CD109: variants seen among roughly 807,000 people sequenced by gnomAD.
CD109 encodes CD109 antigen.
Under a neutral mutation model 165.8 loss-of-function variants are expected in CD109, and 149 were observed. That is an observed-to-expected ratio of 0.90 (90% CI 0.79 to 1.03). CD109 has a LOEUF of 1.03. CD109 is among the 50% of genes least tolerant of loss of function. The probability of loss-of-function intolerance (pLI) is 0.00; values close to 1 mark genes in which losing one functional copy is unlikely to be tolerated. For synonymous variants in CD109, 585 were observed against 592.1 expected, an observed-to-expected ratio of 0.99 and a Z score of 0.18; for missense variants, 1,712 against 1,677.8, an observed-to-expected ratio of 1.02 and a Z score of -0.36.
intron 15 of CD109, among the ~76,000 whole-genome samples, chr6:73,777,279 ATT>A (rs111344958): frequency 1.3e-5 from 2 of 150,440 alleles, no homozygotes; most frequent in African/African-American, 2.4e-5. Context: ...GCTTAAAAAA[ATT>A]TTTTTTTTCT....
intron 2 of CD109, among the ~76,000 whole-genome samples, chr6:73,707,368 G>A (rs763543189): frequency 6.6e-6 from 1 of 152,118 alleles, no homozygotes; most frequent in Non-Finnish European, 1.5e-5. Context: ...GAGAACAGAC[G>A]AAAGAGTGGG....
chr6:73,724,832 G>A (rs1772076769), intron 3 of CD109, among the ~76,000 whole-genome samples: 1 of 151,884 alleles, frequency 6.6e-6, no homozygotes, highest in South Asian at 2.1e-4. Flanking sequence ...AAACTCCTGG[G>A]CCCAAGCATC....
intron 5 of CD109, among the ~76,000 whole-genome samples, chr6:73,746,021 T>A (rs772541829): frequency 1.7e-4 from 26 of 152,270 alleles, no homozygotes; most frequent in Non-Finnish European, 3.2e-4. Context: ...TAAGCCACTG[T>A]GCTCAGCCAA....
chr6:73,779,071 A>T (rs1014695772), intron 15 of CD109, among the ~76,000 whole-genome samples: 1 of 152,144 alleles, frequency 6.6e-6, no homozygotes, highest in African/African-American at 2.4e-5. Context: ...TTAAGCAATA[A>T]CTACTCATTT....
intron 4 of CD109, among the ~76,000 whole-genome samples, chr6:73,732,055 G>A (rs770604519): frequency 5.3e-5 from 8 of 152,250 alleles, no homozygotes; most frequent in African/African-American, 1.2e-4. Flanking sequence ...GTATTTAAAC[G>A]GAGAAGAACA....
chr6:73,768,161 AT>A lies in CD109; in HGVS notation c.1605del (p.Tyr535Ter), dbSNP rs1472554805. On this transcript the variant is annotated frameshift_variant, in exon 14 of 33. Transcript: ENST00000287097. LOFTEE classifies it high-confidence loss of function. ...CCAAAAGCCTGTGTAATTGTGTATT[AT>A]ATTGAAGATGATGGGGAAATTATAA... Reference protein sequence around the residue: ...WTPKACVIVYYIEDDGEIISD... With the variant: ...WTPKACVIVYXIEDDGEIISD... 3.1e-6 allele frequency: 5 copies of A among 1,601,604 alleles called. No individual in the cohort carries two copies. The East Asian group carries it at 1.1e-4, about 36-fold the overall frequency.
chr6:73,741,931 A>G (rs1501191), intron 5 of CD109, among the ~76,000 whole-genome samples: 48,431 of 152,020 alleles, frequency 0.32, 7,715 homozygotes, highest in Admixed American at 0.36. Context: ...TTGGGTTTCC[A>G]AAGTGCTAGG....
In CD109 at chr6:73,810,989, C is replaced by T. The variant is rs1775736065; in HGVS notation, c.3547-3C>T. ...TGTACAAATGTTTTTCTTCCCTCAA[C>T]AGGATACCACTGTGGCTTTAAAGGC... On this transcript the variant is annotated splice_region_variant and splice_polypyrimidine_tract_variant and intron_variant, in intron 27 of 32. Transcript: ENST00000287097. The T allele has an allele frequency of 6.2e-7, 1 of 1,609,706 alleles. No homozygotes were observed. Among genetic ancestry groups the T allele is most frequent in the Non-Finnish European group, 8.5e-7 (1 of 1,178,246 alleles).
chr6:73,730,512 C>T lies in CD109; in HGVS notation c.445C>T (p.Arg149Cys), dbSNP rs137899447. The change falls in exon 4 of 33, where the codon CGC becomes TGC. Residue 149 changes from arginine to cysteine, a missense_variant. Arg to Cys is a radical substitution (Grantham distance 180, BLOSUM62 -3). Transcript: ENST00000287097. ...LYKPKQEVKFRIVTLFSDFKP... is the reference protein window; with the variant it reads ...LYKPKQEVKFCIVTLFSDFKP... Reference sequence around the variant, plus strand: ...CAAGCCAAAGCAAGAAGTGAAGTTTCGCATTGTTACACTCTTCTCAGATTT... The same window carrying T: ...CAAGCCAAAGCAAGAAGTGAAGTTTTGCATTGTTACACTCTTCTCAGATTT... The T allele has an allele frequency of 3.2e-5, 52 of 1,614,104 alleles. No individual in the cohort carries two copies. In the East Asian group the frequency reaches 5.6e-4, roughly 17 times the overall value.
intron 17 of CD109, among the ~76,000 whole-genome samples, chr6:73,782,124 T>C (rs1774531517): frequency 6.6e-6 from 1 of 152,180 alleles, no homozygotes; most frequent in Non-Finnish European, 1.5e-5. Flanking sequence ...ATTCTGTTAT[T>C]CCATGCTAAG....
chr6:73,817,893 T>C (rs1775993371), intron 30 of CD109, among the ~76,000 whole-genome samples: 1 of 152,074 alleles, frequency 6.6e-6, no homozygotes, highest in Non-Finnish European at 1.5e-5. Flanking sequence ...TCCCTACTGG[T>C]CTGATGTTTC....
chr6:73,760,726 A>G (rs1773587061), intron 7 of CD109, among the ~76,000 whole-genome samples: 1 of 151,866 alleles, frequency 6.6e-6, no homozygotes, highest in Admixed American at 6.6e-5. Context: ...GACGCCTATA[A>G]TCCCAGCTAT....
chr6:73,803,145 T>C, intron 23 of CD109, 75 bp from the exon 24 acceptor site: 1 of 976,596 alleles, frequency 1.0e-6, no homozygotes, highest in Non-Finnish European at 1.6e-6. Context: ...TTCCTCAATA[T>C]GAAGTCATAA....
intron 26 of CD109, among the ~76,000 whole-genome samples, chr6:73,809,159 A>G (rs1775670413): frequency 6.6e-6 from 1 of 152,092 alleles, no homozygotes; most frequent in South Asian, 2.1e-4. Flanking sequence ...AGAGGGCACC[A>G]AGTAGGATGG....
chr6:73,690,930 A>AT (rs1554166899), upstream of CD109, among the ~76,000 whole-genome samples: 290 of 151,922 alleles, frequency 1.9e-3, 1 homozygote, highest in African/African-American at 6.3e-3. Context: ...ACTGTAGCAG[A>AT]TTTTTTTTTC....
chr6:73,696,098 A>T, upstream of CD109: 1 of 971,346 alleles, frequency 1.0e-6, no homozygotes, highest in Non-Finnish European at 1.6e-6. Flanking sequence ...CGCCCATTTC[A>T]GATTACTAAA....
At position 73,782,692 on chromosome 6, in the gene CD109, G is replaced by A. The variant is rs750387262; in HGVS notation, c.2042G>A (p.Gly681Asp). 190 of 1,613,776 alleles carry A rather than the reference G, an allele frequency of 1.2e-4. No individual in the cohort carries two copies. Among genetic ancestry groups the A allele is most frequent in the Non-Finnish European group, 1.6e-4 (187 of 1,179,846 alleles). Reference sequence around the variant, plus strand: ...GTAGATATTCATGACTTTTCTTTGGGTAGCAGTCCACATGTCCGAAAGCAT... The same window carrying A: ...GTAGATATTCATGACTTTTCTTTGGATAGCAGTCCACATGTCCGAAAGCAT... ...HIVDIHDFSL[G>D]SSPHVRKHFP... Residue 681 changes from glycine to aspartate, a missense_variant, in exon 18 of 33, where the codon GGT becomes GAT. Physicochemically the swap from Gly to Asp is moderately conservative, Grantham distance 94 (BLOSUM62 -1). Coordinates refer to ENST00000287097, the MANE Select transcript of CD109 (RefSeq NM_133493.5).
At position 73,760,703 on chromosome 6, in the gene CD109, G is replaced by A. The variant is rs537678796; in HGVS notation, c.758+1675G>A. On this transcript the variant is annotated intron_variant, in intron 7 of 32. Coordinates refer to ENST00000287097, the MANE Select transcript of CD109 (RefSeq NM_133493.5). ...TCTACTGAAAATACAAAAATTAGCT[G>A]GGTGTAGTGGCAGACGCCTATAATC... is the stretch of plus-strand genomic sequence containing the variant. 1.2e-4 allele frequency among the ~76,000 whole-genome samples: 19 copies of A among 152,004 alleles called. No individual in the cohort carries two copies. In the South Asian group the frequency reaches 3.1e-3, roughly 25 times the overall value.
Position 73,788,448 on chromosome 6 carries a change from G to T in CD109, c.2557-20G>T. On this transcript the variant is annotated intron_variant, in intron 21 of 32. Transcript: ENST00000287097. ...CATGTGAGTAGAGACCATGTTAATTGTGTTCATTTTTTTCAACAGGCTGAA... is the reference window on the plus strand; with the variant it reads ...CATGTGAGTAGAGACCATGTTAATTTTGTTCATTTTTTTCAACAGGCTGAA... 1 of 1,605,160 alleles carries T rather than the reference G, an allele frequency of 6.2e-7. No homozygotes were observed. The highest frequency in any genetic ancestry group is 8.5e-7 in the Non-Finnish European group (1 of 1,176,754).
Sources: allele counts gnomAD v4.1 joint callset (sites outside exome capture counted in the v4.1 genomes callset), GRCh38; gene constraint gnomAD v4.1.1; transcripts MANE v1.5; gene names NCBI Gene and HGNC (gene_info 2026-07-23, HGNC 2026-07-21).